IRS4: variants seen among roughly 807,000 people sequenced by gnomAD.
IRS4 encodes the protein insulin receptor substrate 4, also known as 160 kDa phosphotyrosine protein.
A neutral mutation model predicts 48.6 loss-of-function variants in IRS4; 15 were observed. The observed-to-expected ratio is 0.31, with a 90% CI of 0.21 to 0.48. IRS4 has a LOEUF of 0.48. Among genes scored for constraint, IRS4 ranks in the 20% least tolerant of loss-of-function variants. The probability of loss-of-function intolerance (pLI) is 0.99; values close to 1 mark genes in which losing one functional copy is unlikely to be tolerated. For missense variants in IRS4, 987 were observed against 1,023.4 expected (o/e 0.96, Z 0.49); for synonymous variants, 459 against 413.2 (o/e 1.11, Z -1.34).
At position 108,735,077 on chromosome X, in the gene IRS4, C is replaced by T. The variant is rs778763417; in HGVS notation, c.1268G>A (p.Arg423Lys). 1.7e-6 allele frequency: 2 copies of T among 1,211,994 alleles called. No individual in the cohort carries two copies. Among genetic ancestry groups the T allele is most frequent in the Non-Finnish European group, 2.2e-6 (2 of 895,597 alleles). Reference protein sequence around the residue: ...RLHLPRGRRSRRAVSVPASFF... With the variant: ...RLHLPRGRRSKRAVSVPASFF... The stretch of plus-strand genomic sequence containing the variant: ...GCTGGCCGGCACTGAAACCGCTCTC[C>T]TTGACCTGCGCCCTCTGGGCAGGTG... The change falls in exon 1 of 2, where the codon AGG (arginine) becomes AAG (lysine). Residue 423 changes from arginine to lysine, a missense_variant. By Grantham distance (26) the Arg-to-Lys change is conservative. Around this residue, in one of 4 missense-constraint regions of IRS4, gnomAD observed 720 missense variants for 660.3 expected, o/e 1.09. Coordinates refer to ENST00000372129, the MANE Select transcript of IRS4 (RefSeq NM_001379150.1).
intron 1 of IRS4, chrX:108,723,092 T>C (rs1236050036): frequency 8.9e-6 from 1 of 111,826 alleles, no homozygotes; most frequent in East Asian, 2.8e-4. Flanking sequence ...AGTGGGTGCA[T>C]AATGGGGAGT....
rs1237471280 is a variant in IRS4 at position 108,735,247 on chromosome X, G to C, written c.1098C>G (p.Leu366=). The change falls in exon 1 of 2, where the codon CTC becomes CTG. Residue 366 remains leucine (L), a synonymous_variant. Transcript: ENST00000372129. ...ACCTTCTGAGCCAGCCTCCCGGCTC[G>C]AGCGGCACCAAGCCCAGGTGCCTCC... ...SARRHLGLVP[L]EPGGWLRRSR... is the part of the protein sequence containing the mutation. 1 of 1,211,669 alleles carries C rather than the reference G, an allele frequency of 8.3e-7. No individual in the cohort carries two copies. The highest frequency in any genetic ancestry group is 1.7e-5 in the African/African-American group (1 of 57,788).
chrX:108,735,241 C>A lies in IRS4; in HGVS notation c.1104G>T (p.Pro368=), dbSNP rs372426673. ...AGCGGGACCTTCTGAGCCAGCCTCC[C>A]GGCTCGAGCGGCACCAAGCCCAGGT... The part of the protein sequence containing the change: ...RRHLGLVPLE[P]GGWLRRSRFE... The change falls in exon 1 of 2, where the codon CCG becomes CCT. Residue 368 remains proline (P), a synonymous_variant. Coordinates refer to ENST00000372129, the MANE Select transcript of IRS4 (RefSeq NM_001379150.1). 1 of 1,211,529 alleles carries A rather than the reference C, an allele frequency of 8.3e-7. No homozygotes were observed. The highest frequency in any genetic ancestry group is 2.2e-5 in the Admixed American group (1 of 46,066).
chrX:108,725,477 A>AAAG (rs2068870404), intron 1 of IRS4, among the ~76,000 whole-genome samples: 1 of 109,051 alleles, frequency 9.2e-6, no homozygotes, highest in Admixed American at 9.8e-5. Context: ...AAAAAAAAAA[A>AAAG]GGGAAGCAAA....
chrX:108,723,595 A>T (rs2068863337), intron 1 of IRS4: 1 of 112,431 alleles, frequency 8.9e-6, no homozygotes, highest in Admixed American at 9.4e-5. Context: ...AGTTTAAAAA[A>T]ATGCTAGCCA....
In IRS4 at chrX:108,733,954, C is replaced by T. The variant is rs376318453; in HGVS notation, c.2391G>A (p.Gln797=). 5.9e-5 allele frequency: 71 copies of T among 1,209,852 alleles called. No homozygotes were observed. Among genetic ancestry groups the T allele is most frequent in the Non-Finnish European group, 7.5e-5 (67 of 895,212 alleles). ...GAIPKNPRNP[Q]GGSSSKSWSS... Reference sequence around the variant, plus strand: ...TCCAACTTTTGGAGGAAGAGCCACCCTGAGGATTTCTGGGGTTTTTTGGAA... The same window carrying T: ...TCCAACTTTTGGAGGAAGAGCCACCTTGAGGATTTCTGGGGTTTTTTGGAA... The change falls in exon 1 of 2, where the codon CAG becomes CAA. Residue 797 remains glutamine (Q), a synonymous_variant. Coordinates refer to ENST00000372129, the MANE Select transcript of IRS4 (RefSeq NM_001379150.1).
At position 108,732,541 on chromosome X, in the gene IRS4, C is replaced by A. The variant is rs367730677; in HGVS notation, c.3766+38G>T. Reference sequence around the variant, plus strand: ...AGCGCATCGAATCATTAGACAATGACCATTCACTTTAGGGAAATTAATTCT... The same window carrying A: ...AGCGCATCGAATCATTAGACAATGAACATTCACTTTAGGGAAATTAATTCT... On this transcript the variant is annotated intron_variant, in intron 1 of 1. Transcript: ENST00000372129. The A allele has an allele frequency of 9.9e-6, 12 of 1,208,950 alleles. No homozygotes were observed. In the African/African-American group the frequency reaches 1.6e-4, roughly 16 times the overall value.
chrX:108,733,802 T>C lies in IRS4; in HGVS notation c.2543A>G (p.Asn848Ser). The C allele has an allele frequency of 8.3e-7, 1 of 1,211,736 alleles. No individual in the cohort carries two copies. The highest frequency in any genetic ancestry group is 1.1e-6 in the Non-Finnish European group (1 of 895,499). The part of the protein sequence containing the change: ...GRGLDKEVSY[N>S]WDPKDAASKP... ...TGAAGCTGCATCTTTGGGGTCCCAG[T>C]TATAGGAGACTTCTTTGTCTAGGCC... is the stretch of plus-strand genomic sequence containing the variant. Residue 848 changes from asparagine to serine, a missense_variant, in exon 1 of 2, where the codon AAC becomes AGC. By Grantham distance (46) the Asn-to-Ser change is conservative. This residue lies in a region of IRS4 where 720 missense variants were observed against 660.3 expected (regional missense o/e 1.09). Transcript: ENST00000372129.
Position 108,735,972 on chromosome X carries a change from C to CGGCGCG in IRS4, c.367_372dup (p.Arg123_Ala124dup). On this transcript the variant is annotated inframe_insertion, in exon 1 of 2. Transcript: ENST00000372129. ...GCGGCCGCCGCTGCTGCAGCCGCCG[C>CGGCGCG]GGCGCGGACACTGTGCCGGAACTTC... is the stretch of plus-strand genomic sequence containing the variant. 8.3e-7 allele frequency: 1 copy of CGGCGCG among 1,208,451 alleles called. No individual in the cohort carries two copies. The highest frequency in any genetic ancestry group is 1.1e-6 in the Non-Finnish European group (1 of 894,212).
rs2068943198 is a variant in IRS4, at chrX:108,735,550, A to G, written c.795T>C (p.Phe265=). The change falls in exon 1 of 2, where the codon TTT becomes TTC. Residue 265 remains phenylalanine (F), a synonymous_variant. Transcript: ENST00000372129. Reference sequence around the variant, plus strand: ...TGGCCACTTCGGTGTTCAGCCTCACAAACACGACCTCCTCGTCGGTTAGAC... The same window carrying G: ...TGGCCACTTCGGTGTTCAGCCTCACGAACACGACCTCCTCGTCGGTTAGAC... ...RLCLTDEEVV[F]VRLNTEVASV... The G allele has an allele frequency of 1.7e-6, 2 of 1,206,893 alleles. No individual in the cohort carries two copies. Among genetic ancestry groups the G allele is most frequent in the African/African-American group, 1.8e-5 (1 of 56,228 alleles).
At chrX:108,728,633 C>T (rs993261748) in intron 1 of IRS4, among the ~76,000 whole-genome samples, 1 of 112,110 alleles carries the variant, frequency 8.9e-6, no homozygotes, top group Non-Finnish European at 1.9e-5. Context: ...AGGCAATCTG[C>T]AACTGGAAAG....
At position 108,721,269 on chromosome X, in the gene IRS4, A is replaced by G. The variant is rs2068855047; in HGVS notation, c.*1250T>C. 2.7e-5 allele frequency: 3 copies of G among 111,925 alleles called. No homozygotes were observed. Among genetic ancestry groups the G allele is most frequent in the Admixed American group, 9.4e-5 (1 of 10,627 alleles). The allele number at this position is 111,925 out of a possible 1,213,427, so 9.2% of individuals were successfully genotyped here. ...GGAACAAAGCTCTAAGCAAGCTTCA[A>G]GACCTTTGTACCTATTCTCTGTGGT... is the stretch of plus-strand genomic sequence containing the variant. On this transcript the variant is annotated 3_prime_UTR_variant, in exon 2 of 2. Coordinates refer to ENST00000372129, the MANE Select transcript of IRS4 (RefSeq NM_001379150.1).
In IRS4 at chrX:108,732,908, A is replaced by G; in HGVS notation, c.3437T>C (p.Ile1146Thr). The G allele has an allele frequency of 8.5e-7, 1 of 1,172,658 alleles. No individual in the cohort carries two copies. Among genetic ancestry groups the G allele is most frequent in the Non-Finnish European group, 1.1e-6 (1 of 875,842 alleles). ...TCCAGCAGCTGCGGCTGCTGCGCCG[A>G]TGCCCGGGGCTGCGGCGAGCGCGGA... ...AASALAAAPG[I>T]GAAAAAAGFD... The change falls in exon 1 of 2, where the codon ATC becomes ACC. Residue 1146 changes from isoleucine (I) to threonine (T), a missense_variant. Around this residue, in one of 4 missense-constraint regions of IRS4, gnomAD observed 720 missense variants for 660.3 expected, o/e 1.09. Transcript: ENST00000372129.
chrX:108,735,303 C>G lies in IRS4; in HGVS notation c.1042G>C (p.Gly348Arg), dbSNP rs758229056. Residue 348 changes from glycine (G) to arginine (R), a missense_variant, in exon 1 of 2, where the codon GGC (glycine) becomes CGC (arginine). Around this residue, in one of 4 missense-constraint regions of IRS4, gnomAD observed 74 missense variants for 100.4 expected, o/e 0.74. Transcript: ENST00000372129. ...GACAGCAGGGTTAACAGGTGGGCGC[C>G]GATGCTGATGCTGTAGCTGCGGCAG... ...ARCRSYSISI[G>R]AHLLTLLSAR... The G allele has an allele frequency of 5.0e-6, 6 of 1,211,598 alleles. No homozygotes were observed. Among genetic ancestry groups the G allele is most frequent in the Non-Finnish European group, 6.7e-6 (6 of 895,494 alleles).
Position 108,721,840 on chromosome X carries a change from CA to C in IRS4, c.*678del, listed in dbSNP as rs2068856987. The C allele has an allele frequency of 8.9e-6, 1 of 111,963 alleles. No homozygotes were observed. Among genetic ancestry groups the C allele is most frequent in the African/African-American group, 3.2e-5 (1 of 30,856 alleles). The allele number at this position is 111,963 out of a possible 1,213,427, so 9.2% of individuals were successfully genotyped here. A position where few individuals can be genotyped will look rare whatever the true frequency, so the allele number is the denominator to read the frequency against. ...CTGCCTTTAAAATGTTGGAAATGCT[CA>C]ATCAAGATATTAGTTTCATTGACAT... is the stretch of plus-strand genomic sequence containing the variant. On this transcript the variant is annotated 3_prime_UTR_variant, in exon 2 of 2. Coordinates refer to ENST00000372129, the MANE Select transcript of IRS4 (RefSeq NM_001379150.1).
At position 108,733,294 on chromosome X, in the gene IRS4, A is replaced by G. The variant is rs1232876852; in HGVS notation, c.3051T>C (p.Ile1017=). Residue 1017 remains isoleucine (I), a synonymous_variant, in exon 1 of 2, where the codon ATT becomes ATC. Coordinates refer to ENST00000372129, the MANE Select transcript of IRS4 (RefSeq NM_001379150.1). ...SNAIEEEGDY[I]EVIFNSAMTP... ...TCATTGCTGAGTTGAAAATTACTTC[A>G]ATGTAGTCACCCTCTTCCTCAATAG... The G allele has an allele frequency of 8.3e-7, 1 of 1,209,693 alleles. No homozygotes were observed. The highest frequency in any genetic ancestry group is 1.8e-5 in the African/African-American group (1 of 57,043).
At position 108,720,604 on chromosome X, in the gene IRS4, C is replaced by T. The variant is rs2068852512; in HGVS notation, c.*1915G>A. 1 of 111,454 alleles carries T rather than the reference C, an allele frequency of 9.0e-6. No individual in the cohort carries two copies. The highest frequency in any genetic ancestry group is 3.3e-5 in the African/African-American group (1 of 30,630). 9.2% of individuals were successfully genotyped at this position (111,454 alleles called of 1,213,427 possible). On this transcript the variant is annotated 3_prime_UTR_variant, in exon 2 of 2. Transcript: ENST00000372129. ...ATTTTCCCCCAAGTAATCTTTTTTC[C>T]CACAATTCTGAACAATTATTACTTA...
At chrX:108,727,819 G>C (rs777579381) in intron 1 of IRS4, among the ~76,000 whole-genome samples, 1 of 111,964 alleles carries the variant, frequency 8.9e-6, no homozygotes, top group South Asian at 3.7e-4. Context: ...GATTTTCAAG[G>C]CTTCTAAAAT....
At chrX:108,727,694 A>T (rs1225822363) in intron 1 of IRS4, among the ~76,000 whole-genome samples, 1 of 112,217 alleles carries the variant, frequency 8.9e-6, no homozygotes, top group Non-Finnish European at 1.9e-5. Flanking sequence ...ATTTTCCAAT[A>T]CTGCCAATAA....
Sources: allele counts gnomAD v4.1 joint callset (sites outside exome capture counted in the v4.1 genomes callset), GRCh38; gene constraint gnomAD v4.1.1; regional missense constraint gnomAD v4.1.1; transcripts MANE v1.5; gene names NCBI Gene and HGNC (gene_info 2026-07-23, HGNC 2026-07-21).